Variants in PLPPR1 observed in about 807,000 individuals in gnomAD.
PLPPR1 encodes phospholipid phosphatase-related protein type 1.
Under a neutral mutation model 33.1 loss-of-function variants are expected in PLPPR1, and 10 were observed. The ratio of observed to expected loss-of-function variants is 0.30; its 90% CI spans 0.19 to 0.51. The LOEUF (loss-of-function observed/expected upper bound fraction) is 0.51, where lower values mean the gene tolerates loss of function less well. Ranked by LOEUF, PLPPR1 falls within the 20% of genes least tolerant of loss-of-function variation. PLPPR1 has a pLI of 0.97. For synonymous variants in PLPPR1, 151 were observed against 151.0 expected (o/e 1.00, Z 0.00); for missense variants, 304 against 408.1 (o/e 0.74, Z 2.20).
At chr9:101,139,151 C>T (rs1831415293) in intron 1 of PLPPR1, among the ~76,000 whole-genome samples, 1 of 152,048 alleles carries the variant, frequency 6.6e-6, no homozygotes, top group African/African-American at 2.4e-5. Context: ...AAAAACTACC[C>T]ATTGCAAAAT....
intron 1 of PLPPR1, among the ~76,000 whole-genome samples, chr9:101,172,445 C>T (rs1463570008): frequency 2.0e-5 from 3 of 151,792 alleles, no homozygotes; most frequent in Non-Finnish European, 4.4e-5. Flanking sequence ...AATTATTATT[C>T]AGTCAAAACC....
chr9:101,188,270 A>G (rs1826238149), intron 2 of PLPPR1, among the ~76,000 whole-genome samples: 1 of 152,128 alleles, frequency 6.6e-6, no homozygotes, highest in South Asian at 2.1e-4. Flanking sequence ...TTTGACACAT[A>G]GCAGAATTGC....
At chr9:101,196,958 G>A (rs117900237) in intron 2 of PLPPR1, among the ~76,000 whole-genome samples, 1,561 of 152,328 alleles carry the variant, frequency 0.01, 10 homozygotes, top group Middle Eastern at 0.02. Context: ...CTTCAAAGCA[G>A]TATGTAATCT....
intron 2 of PLPPR1, among the ~76,000 whole-genome samples, chr9:101,222,997 G>A (rs1416182807): frequency 6.6e-6 from 1 of 151,832 alleles, no homozygotes; most frequent in Non-Finnish European, 1.5e-5. Flanking sequence ...TACCATCTAA[G>A]AGTATGAAGA....
intron 1 of PLPPR1, among the ~76,000 whole-genome samples, chr9:101,036,005 G>A (rs1250093017): frequency 1.3e-5 from 2 of 152,104 alleles, no homozygotes; most frequent in Non-Finnish European, 1.5e-5. Flanking sequence ...AGAAGCAAAC[G>A]CAGGATTGGT....
At chr9:101,292,151 C>A (rs993626456) in intron 4 of PLPPR1, among the ~76,000 whole-genome samples, 8 of 152,172 alleles carry the variant, frequency 5.3e-5, no homozygotes, top group South Asian at 4.1e-4. Context: ...AATGCAGAAG[C>A]CTCAGGAGCC....
At chr9:101,321,548 A>G (rs1030083683) in intron 7 of PLPPR1, among the ~76,000 whole-genome samples, 24 of 152,134 alleles carry the variant, frequency 1.6e-4, no homozygotes, top group African/African-American at 5.6e-4. Flanking sequence ...CCAATTCTTA[A>G]TTATCCATGT....
chr9:101,245,659 T>C (rs552349415), intron 2 of PLPPR1, among the ~76,000 whole-genome samples: 1 of 152,112 alleles, frequency 6.6e-6, no homozygotes, highest in Non-Finnish European at 1.5e-5. Context: ...GGGAGAGCTC[T>C]GTATTCTTAC....
chr9:101,221,080 C>T (rs1300981496), intron 2 of PLPPR1, among the ~76,000 whole-genome samples: 2 of 152,072 alleles, frequency 1.3e-5, no homozygotes, highest in Non-Finnish European at 2.9e-5. Flanking sequence ...TGCAACTTTA[C>T]CATAGGCCTG....
At chr9:101,255,486 C>T (rs1400148158) in intron 2 of PLPPR1, among the ~76,000 whole-genome samples, 7 of 152,072 alleles carry the variant, frequency 4.6e-5, no homozygotes, top group Admixed American at 3.3e-4. Flanking sequence ...ATCTGTGTTT[C>T]GAAGATTGCA....
intron 2 of PLPPR1, among the ~76,000 whole-genome samples, chr9:101,191,187 C>A (rs954470792): frequency 1.3e-5 from 2 of 152,106 alleles, no homozygotes; most frequent in African/African-American, 4.8e-5. Flanking sequence ...CCAGAGCAAG[C>A]TGAAACAATG....
At chr9:101,184,729 G>T (rs1588062569) in intron 1 of PLPPR1, among the ~76,000 whole-genome samples, 1 of 109,482 alleles carries the variant, frequency 9.1e-6, no homozygotes, top group Admixed American at 1.1e-4. Context: ...GTTCAAGGCA[G>T]GGAAGATGTG....
rs527537193 is a variant in PLPPR1, at chr9:101,313,756, A to G, written c.813+782A>G. Among the ~76,000 whole-genome samples the G allele has an allele frequency of 4.4e-4, 67 of 152,332 alleles. 1 individual carries two copies. The highest frequency in any genetic ancestry group is 3.4e-3 in the Middle Eastern group (1 of 294). ...TTTCACGGTTGTATTGAAGTATAAT[A>G]GGTATACAATAAATGACACATCAAG... On this transcript the variant is annotated intron_variant, in intron 6 of 7. Transcript: ENST00000374874.
At chr9:101,293,448 C>A (rs1488125056) in intron 4 of PLPPR1, among the ~76,000 whole-genome samples, 1 of 151,948 alleles carries the variant, frequency 6.6e-6, no homozygotes, top group Non-Finnish European at 1.5e-5. Context: ...CTGCACCAAG[C>A]AGACCTAATA....
intron 3 of PLPPR1, among the ~76,000 whole-genome samples, chr9:101,280,502 G>A (rs1342397004): frequency 6.6e-6 from 1 of 151,978 alleles, no homozygotes. Context: ...AAAAGTACAG[G>A]CCAATATCCC....
At chr9:101,053,722 G>C (rs562695876) in intron 1 of PLPPR1, among the ~76,000 whole-genome samples, 2 of 152,216 alleles carry the variant, frequency 1.3e-5, no homozygotes, top group African/African-American at 2.4e-5. Flanking sequence ...CTGCAGTAAA[G>C]GATCTGGAAG....
chr9:101,269,299 G>T (rs1404562851), intron 2 of PLPPR1, among the ~76,000 whole-genome samples: 2 of 152,050 alleles, frequency 1.3e-5, no homozygotes, highest in Non-Finnish European at 2.9e-5. Flanking sequence ...TTTGGAAAAA[G>T]ATAAAAGTTA....
chr9:101,195,200 T>C (rs540725688), intron 2 of PLPPR1, among the ~76,000 whole-genome samples: 2 of 152,282 alleles, frequency 1.3e-5, no homozygotes, highest in Non-Finnish European at 2.9e-5. Flanking sequence ...TTAATTGATA[T>C]AGGTCAGTTC....
chr9:101,278,879 T>C (rs1828245626), intron 3 of PLPPR1, among the ~76,000 whole-genome samples: 2 of 152,182 alleles, frequency 1.3e-5, no homozygotes, highest in African/African-American at 4.8e-5. Context: ...CCCACCCCTG[T>C]AGTGACCCTG....
Sources: allele counts gnomAD v4.1 joint callset (sites outside exome capture counted in the v4.1 genomes callset), GRCh38; gene constraint gnomAD v4.1.1; transcripts MANE v1.5; gene names NCBI Gene and HGNC (gene_info 2026-07-23, HGNC 2026-07-21).